The following CCDC92B variants were observed in gnomAD, a reference collection of about 807,000 sequenced individuals.
CCDC92B encodes the protein coiled-coil domain-containing 92B.
Under a neutral mutation model 5.6 loss-of-function variants are expected in CCDC92B, and 2 were observed. That is an observed-to-expected ratio of 0.36 (90% CI 0.15 to 1.12). The LOEUF (loss-of-function observed/expected upper bound fraction) is 1.12, where lower values mean the gene tolerates loss of function less well. CCDC92B is among the 50% of genes most tolerant of loss of function. The pLI is 0.40. For missense variants in CCDC92B, 271 were observed against 262.2 expected (o/e 1.03, Z -0.23); for synonymous variants, 115 against 122.3 (o/e 0.94, Z 0.39).
At chr17:2,726,970 G>T (rs2070738227) in intron 3 of CCDC92B, among the ~76,000 whole-genome samples, 1 of 151,012 alleles carries the variant, frequency 6.6e-6, no homozygotes, top group South Asian at 2.1e-4. Flanking sequence ...GAGTGCAGCG[G>T]CATAGCTCAC....
intron 1 of CCDC92B, among the ~76,000 whole-genome samples, chr17:2,747,464 C>A (rs1159125465): frequency 6.6e-6 from 1 of 152,156 alleles, no homozygotes; most frequent in Non-Finnish European, 1.5e-5. Flanking sequence ...CGGTGGCTCA[C>A]GCCTGTCATC....
Position 2,730,448 on chromosome 17 carries a change from T to G in CCDC92B, c.176A>C (p.Gln59Pro), listed in dbSNP as rs924716870. 2.0e-6 allele frequency: 2 copies of G among 985,054 alleles called. No homozygotes were observed. The highest frequency in any genetic ancestry group is 3.5e-5 in the African/African-American group (2 of 57,116). The allele number at this position is 985,054 out of a possible 1,614,324, so 61.0% of individuals were successfully genotyped here. ...LEMREAQSHQ[Q>P]EAASRELESK... ...CCCACCAGTGGTCCTTCTCTTACCT[T>G]GCTGGTGAGATTGGGCCTCTCTCAT... Residue 59 changes from glutamine to proline, a missense_variant and splice_region_variant, in exon 3 of 4, where the codon CAA becomes CCA. By Grantham distance (76) the Gln-to-Pro change is moderately conservative. Transcript: ENST00000614400.
Position 2,743,356 on chromosome 17 carries a change from G to A in CCDC92B, c.-24+6055C>T, listed in dbSNP as rs62069985. Among the ~76,000 whole-genome samples the A allele has an allele frequency of 2.4e-3, 370 of 151,866 alleles. 1 individual carries two copies. Among genetic ancestry groups the A allele is most frequent in the Admixed American group, 6.6e-3 (101 of 15,252 alleles). On this transcript the variant is annotated intron_variant, in intron 1 of 3. Transcript: ENST00000614400. ...TGAGGCAGGAGAATCTCTTGAACCC[G>A]GGAGGCAGAGGTTGCAGTGAGCCGA...
intron 3 of CCDC92B, among the ~76,000 whole-genome samples, chr17:2,727,634 G>T (rs964082122): frequency 2.0e-5 from 3 of 152,010 alleles, no homozygotes; most frequent in African/African-American, 7.2e-5. Context: ...GACCAGCCTG[G>T]CCAGCATGGC....
chr17:2,727,448 A>G (rs1296238084), intron 3 of CCDC92B, among the ~76,000 whole-genome samples: 1 of 152,192 alleles, frequency 6.6e-6, no homozygotes, highest in Non-Finnish European at 1.5e-5. Flanking sequence ...ATATCCTAGG[A>G]CTTGGCACAG....
At chr17:2,741,662 G>A (rs1436563167) in intron 1 of CCDC92B, among the ~76,000 whole-genome samples, 2 of 142,808 alleles carry the variant, frequency 1.4e-5, no homozygotes, top group East Asian at 2.2e-4. Flanking sequence ...GTGTGATCTC[G>A]GCTCACTGCA....
chr17:2,729,929 C>G (rs1229389869), intron 3 of CCDC92B, among the ~76,000 whole-genome samples: 1 of 152,038 alleles, frequency 6.6e-6, no homozygotes, highest in Non-Finnish European at 1.5e-5. Context: ...TCCTTGAAGT[C>G]AAGGAACCCA....
Position 2,724,279 on chromosome 17 carries a change from C to A in CCDC92B, c.*132G>T, listed in dbSNP as rs1485376139. Reference sequence around the variant, plus strand: ...TGGCGGTTCGGGGATTTGGGGGGAGCCGGGGCCGCCTCGCCCCGCTTCCTG... The same window carrying A: ...TGGCGGTTCGGGGATTTGGGGGGAGACGGGGCCGCCTCGCCCCGCTTCCTG... On this transcript the variant is annotated 3_prime_UTR_variant, in exon 4 of 4. Transcript: ENST00000614400. This position sits in a 1 kb window ranked among gnomAD's most constrained non-coding sequence, Gnocchi z 5.0. 2 of 985,204 alleles carry A rather than the reference C, an allele frequency of 2.0e-6. No homozygotes were observed. The highest frequency in any genetic ancestry group is 3.5e-5 in the African/African-American group (2 of 57,214). 61.0% of individuals were successfully genotyped at this position (985,204 alleles called of 1,614,324 possible). A position where few individuals can be genotyped will look rare whatever the true frequency, so the allele number is the denominator to read the frequency against.
rs1024042586 is a variant in CCDC92B, at chr17:2,728,209, G to A, written c.178+2237C>T. Among the ~76,000 whole-genome samples, 9 of 151,792 alleles carry A rather than the reference G, an allele frequency of 5.9e-5. No homozygotes were observed. The East Asian group carries it at 9.8e-4, about 16-fold the overall frequency. On this transcript the variant is annotated intron_variant, in intron 3 of 3. Coordinates refer to ENST00000614400, the MANE Select transcript of CCDC92B (RefSeq NM_001355573.2). ...TGTATCTGTAGTACCAGCTAATCTC[G>A]AGGTTGAGGTGGAAGGATCTCTTGA... is the stretch of plus-strand genomic sequence containing the variant.
At chr17:2,735,204 A>C in intron 1 of CCDC92B, 36 bp from the exon 2 acceptor site, 2 of 985,474 alleles carry the variant, frequency 2.0e-6, no homozygotes, top group Non-Finnish European at 2.4e-6. Context: ...ACCTCTTCTG[A>C]GCCCATCTGC....
chr17:2,724,782 G>C lies in CCDC92B; in HGVS notation c.397C>G (p.His133Asp), dbSNP rs1353336348. 3 of 984,668 alleles carry C rather than the reference G, an allele frequency of 3.0e-6. No individual in the cohort carries two copies. In the East Asian group the frequency reaches 3.4e-4, roughly 112 times the overall value. 61.0% of individuals were successfully genotyped at this position (984,668 alleles called of 1,614,324 possible). A position where few individuals can be genotyped will look rare whatever the true frequency, so the allele number is the denominator to read the frequency against. Residue 133 changes from histidine (H) to aspartate (D), a missense_variant, in exon 4 of 4, where the codon CAC becomes GAC. Physicochemically the swap from His to Asp is moderately conservative, Grantham distance 81 (BLOSUM62 -1). Coordinates refer to ENST00000614400, the MANE Select transcript of CCDC92B (RefSeq NM_001355573.2). This position sits in a 1 kb window ranked among gnomAD's most constrained non-coding sequence, Gnocchi z 5.0. ...ATVLGTELQK[H>D]TEAAAYLSCQ... ...GAGAGGTAGGCGGCCGCCTCGGTGT[G>C]CTTCTGCAGCTCGGTGCCCAGCACG...
chr17:2,736,707 A>T (rs2070861689), intron 1 of CCDC92B, among the ~76,000 whole-genome samples: 1 of 151,606 alleles, frequency 6.6e-6, no homozygotes, highest in Non-Finnish European at 1.5e-5. Flanking sequence ...GTGAAACCCC[A>T]TCTCTACTAA....
At chr17:2,739,409 G>A (rs1000686560) in intron 1 of CCDC92B, among the ~76,000 whole-genome samples, 27 of 146,140 alleles carry the variant, frequency 1.8e-4, no homozygotes, top group African/African-American at 4.6e-4. Flanking sequence ...GGCTGGGCGC[G>A]GTGGCTCATG....
rs1342827160 is a variant in CCDC92B at position 2,721,654 on chromosome 17, G to C, written c.*2757C>G. The C allele has an allele frequency of 6.6e-6, 1 of 152,200 alleles. No homozygotes were observed. Among genetic ancestry groups the C allele is most frequent in the Non-Finnish European group, 1.5e-5 (1 of 68,068 alleles). The allele number at this position is 152,200 out of a possible 1,614,324, so 9.4% of individuals were successfully genotyped here. On this transcript the variant is annotated 3_prime_UTR_variant, in exon 4 of 4. Transcript: ENST00000614400. ...GTTTCCATTATTTCCAGGAGGGCGAGGAGGGGAATTTCTGTGAAAACTGGA... is the reference window on the plus strand; with the variant it reads ...GTTTCCATTATTTCCAGGAGGGCGACGAGGGGAATTTCTGTGAAAACTGGA...
At chr17:2,729,038 T>A (rs1332205290) in intron 3 of CCDC92B, among the ~76,000 whole-genome samples, 3 of 151,998 alleles carry the variant, frequency 2.0e-5, no homozygotes, top group African/African-American at 7.2e-5. Context: ...ATTTTTTTAA[T>A]ATTAAAAAAA....
intron 1 of CCDC92B, chr17:2,748,292 G>T: frequency 1.7e-6 from 2 of 1,145,074 alleles, no homozygotes; most frequent in Non-Finnish European, 2.3e-6. Context: ...GCCTTGCTCT[G>T]ATGTGACTTT....
intron 2 of CCDC92B, among the ~76,000 whole-genome samples, chr17:2,731,117 A>T (rs1317661917): frequency 6.6e-6 from 1 of 152,212 alleles, no homozygotes; most frequent in Non-Finnish European, 1.5e-5. Context: ...GGCTTCGAGC[A>T]GGACGGTGCG....
intron 3 of CCDC92B, among the ~76,000 whole-genome samples, chr17:2,727,545 G>A (rs2070742809): frequency 6.6e-6 from 1 of 152,232 alleles, no homozygotes; most frequent in Non-Finnish European, 1.5e-5. Flanking sequence ...GACAAAGAGG[G>A]CTGGGTGCAG....
At chr17:2,732,313 C>T (rs1597237815) in intron 2 of CCDC92B, among the ~76,000 whole-genome samples, 1 of 152,192 alleles carries the variant, frequency 6.6e-6, no homozygotes. Flanking sequence ...TCTCCTTCCC[C>T]TTATCTTCTC....
Sources: gnomAD v4.1 joint callset for allele counts (sites outside exome capture counted in the v4.1 genomes callset) on GRCh38, gnomAD v4.1.1 for gene constraint, Gnocchi (gnomAD v3.1) non-coding constraint, MANE v1.5 for transcripts, NCBI Gene and HGNC (gene_info 2026-07-23, HGNC 2026-07-21) for gene names.